NOTCH2: variants seen among roughly 807,000 people sequenced by gnomAD.
The protein encoded by NOTCH2 is neurogenic locus notch homolog protein 2.
A neutral mutation model predicts 235.8 loss-of-function variants in NOTCH2; 29 were observed. The observed-to-expected ratio is 0.12, with a 90% CI of 0.09 to 0.17. The LOEUF is 0.17. Ranked by LOEUF, NOTCH2 falls within the 10% of genes least tolerant of loss-of-function variation. The probability of loss-of-function intolerance (pLI) is 1.00; values close to 1 mark genes in which losing one functional copy is unlikely to be tolerated. For synonymous variants in NOTCH2, 1,086 were observed against 1,141.5 expected, an observed-to-expected ratio of 0.95 and a Z score of 0.98; for missense variants, 2,285 against 3,150.2, an observed-to-expected ratio of 0.73 and a Z score of 6.57.
Position 119,929,200 on chromosome 1 carries a change from T to C in NOTCH2, c.3668A>G (p.Glu1223Gly). 3.7e-6 allele frequency: 6 copies of C among 1,613,798 alleles called. No individual in the cohort carries two copies. The highest frequency in any genetic ancestry group is 4.2e-6 in the Non-Finnish European group (5 of 1,179,646). Residue 1223 changes from glutamate to glycine, a missense_variant, in exon 23 of 34, where the codon GAA becomes GGA. Physicochemically the swap from Glu to Gly is moderately conservative, Grantham distance 98. Transcript: ENST00000256646. The part of the protein sequence containing the change: ...CPPGTRGLLC[E>G]ENIDDCARGP... ...CCGGGCACAGTCATCAATGTTCTCT[T>C]CACAGAGTAGGCCTGGAGGAAAGAG...
In NOTCH2 at chr1:119,929,003, G is replaced by T; in HGVS notation, c.3865C>A (p.Leu1289Met). ...LDCIQLTNDY[L>M]CVCRSAFTGR... ...GTAAAGGCACTACGGCAAACACACA[G>T]GTAGTCATTGGTGAGCTGTATACAG... Residue 1289 changes from leucine (L) to methionine (M), a missense_variant, in exon 23 of 34, where the codon CTG (leucine) becomes ATG (methionine). Physicochemically the swap from Leu to Met is conservative, Grantham distance 15. This residue lies in a region of NOTCH2 where 1,173 missense variants were observed against 1,515.3 expected (regional missense o/e 0.77). Coordinates refer to ENST00000256646, the MANE Select transcript of NOTCH2 (RefSeq NM_024408.4). The T allele has an allele frequency of 6.2e-7, 1 of 1,614,150 alleles. No homozygotes were observed. The highest frequency in any genetic ancestry group is 8.5e-7 in the Non-Finnish European group (1 of 1,180,018).
At position 119,922,608 on chromosome 1, in the gene NOTCH2, C is replaced by T. The variant is rs368770182; in HGVS notation, c.5002+28G>A. The T allele has an allele frequency of 1.5e-5, 24 of 1,613,638 alleles. No homozygotes were observed. In the African/African-American group the frequency reaches 3.2e-4, roughly 21 times the overall value. ...CCAATTGACACTCTTCCCCCGCCACCTTTCCCCTTTACACCAGTGCCACTC... is the reference window on the plus strand; with the variant it reads ...CCAATTGACACTCTTCCCCCGCCACTTTTCCCCTTTACACCAGTGCCACTC... On this transcript the variant is annotated intron_variant, in intron 27 of 33. Transcript: ENST00000256646.
intron 19 of NOTCH2, 108 bp downstream of exon 19, chr1:119,940,447 G>T: frequency 9.9e-7 from 1 of 1,006,034 alleles, no homozygotes; most frequent in Non-Finnish European, 1.5e-6. Flanking sequence ...GAATCCCTGA[G>T]ATCCACAATT....
chr1:120,068,980 G>A (rs1486428052), intron 1 of NOTCH2: 1 of 1,121,246 alleles, frequency 8.9e-7, no homozygotes, highest in Non-Finnish European at 1.2e-6. Context: ...GTCGGCTCTC[G>A]CTCGACCCCA....
intron 18 of NOTCH2, 74 bp downstream of exon 18, chr1:119,941,451 AT>A (rs1171515537): frequency 3.8e-6 from 4 of 1,044,348 alleles, no homozygotes; most frequent in Non-Finnish European, 6.0e-6. Context: ...CAATTCTAGC[AT>A]TGTGCTCTGA....
At chr1:120,029,155 T>A (rs10923937) in intron 2 of NOTCH2, among the ~76,000 whole-genome samples, 62 of 136,778 alleles carry the variant, frequency 4.5e-4, no homozygotes, top group South Asian at 1.7e-3. Context: ...TCTCACTGTC[T>A]CACTTTCAGA....
At position 119,955,308 on chromosome 1, in the gene NOTCH2, G is replaced by A. The variant is rs1650646770; in HGVS notation, c.2027-76C>T. ...GACCCAGAACTATAAGACACGTTAT[G>A]TTGACATCCTTCATCTGCTCAGGCC... On this transcript the variant is annotated intron_variant, in intron 12 of 33. Coordinates refer to ENST00000256646, the MANE Select transcript of NOTCH2 (RefSeq NM_024408.4). 13 of 1,461,172 alleles carry A rather than the reference G, an allele frequency of 8.9e-6. No homozygotes were observed. In the South Asian group the frequency reaches 1.5e-4, roughly 17 times the overall value. 90.5% of individuals were successfully genotyped at this position (1,461,172 alleles called of 1,614,324 possible). A position where few individuals can be genotyped will look rare whatever the true frequency, so the allele number is the denominator to read the frequency against.
rs751193596 is a variant in NOTCH2 at position 119,920,306 on chromosome 1, C to CT, written c.5401dup (p.Arg1801LysfsTer46). 1 of 1,614,194 alleles carries CT rather than the reference C, an allele frequency of 6.2e-7. No homozygotes were observed. The highest frequency in any genetic ancestry group is 8.5e-7 in the Non-Finnish European group (1 of 1,180,032). ...AGGGGTGAGAGCCAGCGATGGTGTC[C>CT]TACGGATGTCTGCAGCTTCAAGGTG... On this transcript the variant is annotated frameshift_variant, in exon 30 of 34. Transcript: ENST00000256646. LOFTEE classifies it high-confidence loss of function.
At chr1:119,967,085 A>G (rs912023672) in intron 8 of NOTCH2, among the ~76,000 whole-genome samples, 3 of 152,250 alleles carry the variant, frequency 2.0e-5, no homozygotes, top group African/African-American at 7.2e-5. Context: ...ATTTATTTAT[A>G]TAAATGGAAT....
intron 5 of NOTCH2, among the ~76,000 whole-genome samples, chr1:119,981,368 C>A (rs1477465005): frequency 6.6e-6 from 1 of 152,154 alleles, no homozygotes; most frequent in Non-Finnish European, 1.5e-5. Flanking sequence ...GTCAATTTTA[C>A]CACTCTTAAA....
At chr1:120,017,872 G>T (rs587649098) in intron 2 of NOTCH2, among the ~76,000 whole-genome samples, 29 of 151,306 alleles carry the variant, frequency 1.9e-4, no homozygotes, top group Admixed American at 1.6e-3. Context: ...GTTGATAAAA[G>T]ACTGACTACA....
Position 119,922,379 on chromosome 1 carries a change from CAG to C in NOTCH2, c.5068_5069del (p.Leu1690ValfsTer15). Reference sequence around the variant, plus strand: ...TGATTACCCCCAGCAGAATAATAAACAGAATGATGACAACAGCAACAGCAAGG... The same window carrying C: ...TGATTACCCCCAGCAGAATAATAAACAATGATGACAACAGCAACAGCAAGG... Reference protein sequence around the residue: ...YLLAVAVVIILFIILLGVIMA... With the variant: ...YLLAVAVVIIXFIILLGVIMA... On this transcript the variant is annotated frameshift_variant, in exon 28 of 34. Transcript: ENST00000256646. LOFTEE classifies it high-confidence loss of function. The C allele has an allele frequency of 6.2e-7, 1 of 1,614,092 alleles. No individual in the cohort carries two copies. Among genetic ancestry groups the C allele is most frequent in the Non-Finnish European group, 8.5e-7 (1 of 1,180,028 alleles).
Position 119,925,825 on chromosome 1 carries a change from G to A in NOTCH2, c.4006-15C>T, listed in dbSNP as rs2101163430. On this transcript the variant is annotated splice_polypyrimidine_tract_variant and intron_variant, in intron 24 of 33. Coordinates refer to ENST00000256646, the MANE Select transcript of NOTCH2 (RefSeq NM_024408.4). Reference sequence around the variant, plus strand: ...CCGGAAAATCCCTGTGGAAATCAGTGAGGAAATAAAAATGGCATTGGTAGG... The same window carrying A: ...CCGGAAAATCCCTGTGGAAATCAGTAAGGAAATAAAAATGGCATTGGTAGG... The A allele has an allele frequency of 1.2e-6, 2 of 1,613,788 alleles. No homozygotes were observed. The highest frequency in any genetic ancestry group is 2.2e-5 in the East Asian group (1 of 44,886).
In NOTCH2 at chr1:119,919,581, G is replaced by A. The variant is rs766543218; in HGVS notation, c.5512C>T (p.Arg1838Ter). The A allele has an allele frequency of 2.5e-6, 4 of 1,614,110 alleles. No individual in the cohort carries two copies. Among genetic ancestry groups the A allele is most frequent in the Non-Finnish European group, 3.4e-6 (4 of 1,180,026 alleles). ...TCACTCAAATCTGAGCTGCCTCCTC[G>A]GAGAGAAGCCAACATCAATGGGGTG... The part of the protein sequence containing the change: ...GCTPLMLASL[R>*]GGSSDLSDED... The change falls in exon 31 of 34, where the codon CGA becomes TGA. Residue 1838 changes from arginine to a stop codon, truncating the protein, a stop_gained. Transcript: ENST00000256646. LOFTEE classifies it high-confidence loss of function.
chr1:119,920,341 C>A lies in NOTCH2; in HGVS notation c.5367G>T (p.Trp1789Cys), dbSNP rs759588781. 6.2e-7 allele frequency: 1 copy of A among 1,614,164 alleles called. No individual in the cohort carries two copies. Among genetic ancestry groups the A allele is most frequent in the Non-Finnish European group, 8.5e-7 (1 of 1,180,032 alleles). Residue 1789 changes from tryptophan to cysteine, a missense_variant, in exon 30 of 34, where the codon TGG (tryptophan) becomes TGT (cysteine). This residue lies in a region of NOTCH2 where 1,173 missense variants were observed against 1,515.3 expected (regional missense o/e 0.77). Coordinates refer to ENST00000256646, the MANE Select transcript of NOTCH2 (RefSeq NM_024408.4). Reference protein sequence around the residue: ...EEDDPIDRRPWTQQHLEAADI... With the variant: ...EEDDPIDRRPCTQQHLEAADI... ...CTGCAGCTTCAAGGTGCTGCTGTGT[C>A]CATGGCCGTCGATCAATGGGGTCAT...
Position 119,915,273 on chromosome 1 carries a change from T to G in NOTCH2, c.*33A>C. On this transcript the variant is annotated 3_prime_UTR_variant, in exon 34 of 34. Coordinates refer to ENST00000256646, the MANE Select transcript of NOTCH2 (RefSeq NM_024408.4). ...TGTTCCTCAGCAGCATTTACAAAAG[T>G]CAGTTATGTCTCTACACTGGAGGTG... The G allele has an allele frequency of 6.2e-7, 1 of 1,607,780 alleles. No individual in the cohort carries two copies. The highest frequency in any genetic ancestry group is 8.5e-7 in the Non-Finnish European group (1 of 1,176,888).
intron 5 of NOTCH2, among the ~76,000 whole-genome samples, chr1:119,971,515 T>C (rs1292520567): frequency 2.0e-5 from 3 of 152,084 alleles, no homozygotes; most frequent in African/African-American, 7.2e-5. Context: ...GAAAGTGATA[T>C]GGGTGAATCA....
At position 119,915,032 on chromosome 1, in the gene NOTCH2, A is replaced by C. The variant is rs1649016351; in HGVS notation, c.*274T>G. Reference sequence around the variant, plus strand: ...CAATAAGCATCCATCTTATTCTCCAAATAGAAGAGAGTAAACATGGACCCA... The same window carrying C: ...CAATAAGCATCCATCTTATTCTCCACATAGAAGAGAGTAAACATGGACCCA... On this transcript the variant is annotated 3_prime_UTR_variant, in exon 34 of 34. Transcript: ENST00000256646. 2.0e-6 allele frequency: 1 copy of C among 506,200 alleles called. No individual in the cohort carries two copies. The highest frequency in any genetic ancestry group is 1.9e-5 in the African/African-American group (1 of 52,592). The allele number at this position is 506,200 out of a possible 1,614,324, so 31.4% of individuals were successfully genotyped here. A position where few individuals can be genotyped will look rare whatever the true frequency, so the allele number is the denominator to read the frequency against.
chr1:119,954,533 T>C lies in NOTCH2; in HGVS notation c.2219+507A>G, dbSNP rs117848296. The stretch of plus-strand genomic sequence containing the variant: ...GAGACCTAAGGTCACTCTATGATTC[T>C]AGAAAATCACTAACACATCACACAA... On this transcript the variant is annotated intron_variant, in intron 13 of 33. Transcript: ENST00000256646. Among the ~76,000 whole-genome samples, 28 of 152,310 alleles carry C rather than the reference T, an allele frequency of 1.8e-4. 1 individual carries two copies. In the East Asian group the frequency reaches 5.2e-3, roughly 28 times the overall value.
Sources: gnomAD v4.1 joint callset for allele counts (sites outside exome capture counted in the v4.1 genomes callset) on GRCh38, gnomAD v4.1.1 for gene constraint, gnomAD v4.1.1 regional missense constraint, MANE v1.5 for transcripts, NCBI Gene and HGNC (gene_info 2026-07-23, HGNC 2026-07-21) for gene names.